GPR89B: variants seen among roughly 807,000 people sequenced by gnomAD.
GPR89B encodes G protein-coupled receptor 89B.
Under a neutral mutation model 52.4 loss-of-function variants are expected in GPR89B, and 25 were observed. The ratio of observed to expected loss-of-function variants is 0.48; its 90% CI spans 0.35 to 0.67. The LOEUF is 0.67. Among genes scored for constraint, GPR89B ranks in the 30% least tolerant of loss-of-function variants. The probability of loss-of-function intolerance (pLI) is 0.01; values close to 1 mark genes in which losing one functional copy is unlikely to be tolerated. For synonymous variants in GPR89B, 52 were observed against 151.2 expected (o/e 0.34, Z 4.81); for missense variants, 146 against 450.2 (o/e 0.32, Z 6.11).
At chr1:147,998,705 C>T in the GPR89B span, among the ~76,000 whole-genome samples, 1 of 151,012 alleles carries the variant, frequency 6.6e-6, no homozygotes, top group African/African-American at 2.4e-5. Flanking sequence ...AATGGTGAAA[C>T]CTCATTCTCT....
the GPR89B span, among the ~76,000 whole-genome samples, chr1:148,019,250 C>T: frequency 6.6e-6 from 1 of 151,534 alleles, no homozygotes; most frequent in African/African-American, 2.4e-5. Flanking sequence ...GCTGAGATTA[C>T]AGATGTGAAC....
intron 10 of GPR89B, among the ~76,000 whole-genome samples, chr1:147,985,549 G>T (rs1363107641): frequency 6.6e-6 from 1 of 151,756 alleles, no homozygotes; most frequent in Non-Finnish European, 1.5e-5. Context: ...TTTGTGTATT[G>T]TCTGTGGCTG....
At chr1:148,012,470 A>C in the GPR89B span, among the ~76,000 whole-genome samples, 1 of 150,900 alleles carries the variant, frequency 6.6e-6, no homozygotes, top group African/African-American at 2.5e-5. Flanking sequence ...CTCCCTATTC[A>C]GTTTATTTCC....
rs1553247964 is a variant in GPR89B, at chr1:147,936,668, A to G, written c.84A>G (p.Gln28=). The change falls in exon 2 of 14, where the codon CAA becomes CAG. Residue 28 remains glutamine, a synonymous_variant. Transcript: ENST00000314163. ...FGFGWLFFMR[Q]LFKDYEIRQY... ...TTGGGTGGCTTTTCTTCATGCGCCAATTGTTTAAAGACTATGAGGTGAGAA... is the reference window on the plus strand; with the variant it reads ...TTGGGTGGCTTTTCTTCATGCGCCAGTTGTTTAAAGACTATGAGGTGAGAA... 1 of 1,611,860 alleles carries G rather than the reference A, an allele frequency of 6.2e-7. No homozygotes were observed. Among genetic ancestry groups the G allele is most frequent in the Non-Finnish European group, 8.5e-7 (1 of 1,178,346 alleles).
At chr1:147,980,832 A>G (rs1242061297) in intron 10 of GPR89B, among the ~76,000 whole-genome samples, 1 of 149,650 alleles carries the variant, frequency 6.7e-6, no homozygotes, top group African/African-American at 2.5e-5. Context: ...AAAAAAAAAA[A>G]AAAAAAAAAA....
the GPR89B span, among the ~76,000 whole-genome samples, chr1:148,023,864 A>G: frequency 6.7e-6 from 1 of 150,040 alleles, no homozygotes; most frequent in Admixed American, 6.6e-5. Context: ...CAGTTTGTGA[A>G]CATTTTCTCC....
In GPR89B at chr1:147,992,930, T is replaced by C; in HGVS notation, c.*13T>C. On this transcript the variant is annotated 3_prime_UTR_variant, in exon 14 of 14. Coordinates refer to ENST00000314163, the MANE Select transcript of GPR89B (RefSeq NM_016334.5). ...AATGGCACCTTGAACTTAAGCCTAC[T>C]ACAGACTGTTAGAGGCCAGTGGTTT... is the stretch of plus-strand genomic sequence containing the variant. 1 of 1,380,050 alleles carries C rather than the reference T, an allele frequency of 7.2e-7. No homozygotes were observed. The highest frequency in any genetic ancestry group is 9.7e-7 in the Non-Finnish European group (1 of 1,025,746). The allele number at this position is 1,380,050 out of a possible 1,614,324, so 85.5% of individuals were successfully genotyped here. A position where few individuals can be genotyped will look rare whatever the true frequency, so the allele number is the denominator to read the frequency against.
rs1214151236 is a variant in GPR89B, at chr1:147,951,019, A to G, written c.416-2326A>G. Among the ~76,000 whole-genome samples, 5 of 152,042 alleles carry G rather than the reference A, an allele frequency of 3.3e-5. No individual in the cohort carries two copies. In the South Asian group the frequency reaches 6.2e-4, roughly 19 times the overall value. ...AATAATTTTAAACAAAAATGATTCA[A>G]TGTCATAAAAGAGCCAATGAAACAA... On this transcript the variant is annotated intron_variant, in intron 5 of 13. Transcript: ENST00000314163.
intron 5 of GPR89B, among the ~76,000 whole-genome samples, chr1:147,951,026 A>G (rs1655647075): frequency 6.6e-6 from 1 of 152,042 alleles, no homozygotes; most frequent in Admixed American, 6.5e-5. Context: ...TCAATGTCAT[A>G]AAAGAGCCAA....
intron 1 of GPR89B, among the ~76,000 whole-genome samples, chr1:147,930,085 G>T (rs1653430185): frequency 6.6e-6 from 1 of 152,168 alleles, no homozygotes; most frequent in Non-Finnish European, 1.5e-5. Context: ...TTTTAGCATG[G>T]ATATAATTGA....
intron 1 of GPR89B, among the ~76,000 whole-genome samples, chr1:147,933,985 ACTC>A (rs1653868550): frequency 6.6e-6 from 1 of 150,954 alleles, no homozygotes; most frequent in Non-Finnish European, 1.5e-5. Flanking sequence ...TTGGACATCC[ACTC>A]CTCCTGTCTA....
chr1:148,003,115 C>T, the GPR89B span, among the ~76,000 whole-genome samples: 38 of 152,232 alleles, frequency 2.5e-4, no homozygotes, highest in African/African-American at 9.2e-4. Flanking sequence ...ATTCTTTCTC[C>T]AAGGCACTGA....
rs1319421403 is a variant in GPR89B, at chr1:147,959,871, G to T, written c.617+5469G>T. ...GAGCTATGTGCAGGTTGAACACACA[G>T]TTTGGATGACAGAAAGTGAAAGCTT... On this transcript the variant is annotated intron_variant, in intron 7 of 13. Coordinates refer to ENST00000314163, the MANE Select transcript of GPR89B (RefSeq NM_016334.5). Among the ~76,000 whole-genome samples, 90 of 151,434 alleles carry T rather than the reference G, an allele frequency of 5.9e-4. 2 individuals are homozygous for T. The South Asian group carries it at 0.018, about 31-fold the overall frequency.
chr1:148,025,190 C>T, the GPR89B span, among the ~76,000 whole-genome samples: 24 of 151,740 alleles, frequency 1.6e-4, 1 homozygote, highest in African/African-American at 5.6e-4. Context: ...TTGTTTACTA[C>T]CATTTTCCCC....
the GPR89B span, among the ~76,000 whole-genome samples, chr1:148,021,277 C>A: frequency 6.6e-6 from 1 of 151,138 alleles, no homozygotes; most frequent in African/African-American, 2.4e-5. Flanking sequence ...CTGAGGCGGG[C>A]GGAGCACGAG....
the GPR89B span, among the ~76,000 whole-genome samples, chr1:148,004,457 G>A: frequency 1.5e-4 from 21 of 144,398 alleles, no homozygotes; most frequent in East Asian, 2.1e-3. Context: ...GAGCCACCGC[G>A]CCCGGCCCCT....
At chr1:147,938,333 C>G (rs1327599887) in intron 2 of GPR89B, among the ~76,000 whole-genome samples, 1 of 151,086 alleles carries the variant, frequency 6.6e-6, no homozygotes, top group Non-Finnish European at 1.5e-5. Flanking sequence ...TAAGACCTCC[C>G]GAGGAAGGTT....
intron 5 of GPR89B, among the ~76,000 whole-genome samples, chr1:147,948,770 TTTTTTTTTAA>T (rs1553250201): frequency 1.3e-5 from 2 of 151,460 alleles, no homozygotes; most frequent in African/African-American, 4.8e-5. Flanking sequence ...TTTTTTTTTT[TTTTTTTTTAA>T]TTGATCATTC....
chr1:147,983,092 A>G (rs1658394421), intron 10 of GPR89B, among the ~76,000 whole-genome samples: 1 of 152,220 alleles, frequency 6.6e-6, no homozygotes, highest in African/African-American at 2.4e-5. Context: ...TTCCCTATTT[A>G]ATAAATGGTG....
Sources: allele counts gnomAD v4.1 joint callset (sites outside exome capture counted in the v4.1 genomes callset), GRCh38; gene constraint gnomAD v4.1.1; transcripts MANE v1.5; gene names NCBI Gene and HGNC (gene_info 2026-07-23, HGNC 2026-07-21).